Variants in ATE1 observed in about 807,000 individuals in gnomAD.
ATE1 encodes the protein arginyl-tRNA--protein transferase 1.
In ATE1, 36 loss-of-function variants were observed where a neutral mutation model predicts 70.5. The observed-to-expected ratio is 0.51, with a 90% CI of 0.39 to 0.67. The LOEUF is 0.67. ATE1 is among the 30% of genes least tolerant of loss of function. ATE1 has a pLI of 0.00. For missense variants in ATE1, 593 were observed against 629.5 expected (o/e 0.94, Z 0.62); for synonymous variants, 232 against 219.3 (o/e 1.06, Z -0.51).
chr10:121,887,822 G>C (rs1159746211), intron 7 of ATE1, among the ~76,000 whole-genome samples: 4 of 152,266 alleles, frequency 2.6e-5, no homozygotes, highest in African/African-American at 9.6e-5. Context: ...TGAGAGGTAG[G>C]GAGTTGTGAA....
intron 8 of ATE1, among the ~76,000 whole-genome samples, chr10:121,861,729 C>T (rs1949478032): frequency 7.5e-6 from 1 of 133,658 alleles, no homozygotes; most frequent in African/African-American, 2.9e-5. Context: ...TGCACATGTA[C>T]CCTAAAACTT....
chr10:121,801,946 AC>A (rs1399913132), intron 10 of ATE1, among the ~76,000 whole-genome samples: 101 of 151,734 alleles, frequency 6.7e-4, no homozygotes, highest in Middle Eastern at 3.4e-3. Context: ...AAAAAAAAAA[AC>A]ATGGGCCTTT....
At chr10:121,878,281 C>T (rs951303940) in intron 7 of ATE1, among the ~76,000 whole-genome samples, 4 of 152,086 alleles carry the variant, frequency 2.6e-5, no homozygotes, top group African/African-American at 9.7e-5. Flanking sequence ...CGAGCAGTGA[C>T]TATAAGAGCA....
At chr10:121,800,402 AC>A (rs1458678791) in intron 10 of ATE1, among the ~76,000 whole-genome samples, 4 of 152,228 alleles carry the variant, frequency 2.6e-5, no homozygotes, top group Non-Finnish European at 5.9e-5. Context: ...TTTTGATGGC[AC>A]TTTGTTTTTA....
At chr10:121,782,323 T>A (rs974565621) in intron 11 of ATE1, among the ~76,000 whole-genome samples, 1 of 152,216 alleles carries the variant, frequency 6.6e-6, no homozygotes, top group Non-Finnish European at 1.5e-5. Flanking sequence ...AAAAAATATT[T>A]ACAGATAATT....
chr10:121,841,806 G>T (rs570112847), intron 8 of ATE1, among the ~76,000 whole-genome samples: 1 of 152,206 alleles, frequency 6.6e-6, no homozygotes, highest in East Asian at 1.9e-4. Flanking sequence ...ACTACACATT[G>T]GGTACAGTGT....
At chr10:121,928,449 G>C (rs917588657), upstream of ATE1, 2 of 1,513,620 alleles carry the variant, frequency 1.3e-6, no homozygotes, top group Admixed American at 2.1e-5. Flanking sequence ...GCGAGGGTCC[G>C]CTCGGGCCGA....
At chr10:121,876,323 A>C (rs1036333879) in intron 7 of ATE1, among the ~76,000 whole-genome samples, 6 of 152,184 alleles carry the variant, frequency 3.9e-5, no homozygotes, top group African/African-American at 1.4e-4. Flanking sequence ...CACATATCCT[A>C]ATTAATGAGC....
At chr10:121,928,406 C>A (rs763677459), upstream of ATE1, 3 of 1,527,878 alleles carry the variant, frequency 2.0e-6, no homozygotes, top group Non-Finnish European at 8.8e-7. Flanking sequence ...GGCCCTGAGG[C>A]CCTTGTATTC....
At chr10:121,897,003 T>C (rs932166118) in intron 7 of ATE1, among the ~76,000 whole-genome samples, 1 of 152,134 alleles carries the variant, frequency 6.6e-6, no homozygotes, top group African/African-American at 2.4e-5. Context: ...TCTCCCTTTT[T>C]GTCCTGGCAA....
intron 11 of ATE1, among the ~76,000 whole-genome samples, chr10:121,778,564 CTTTTTTTTTT>C (rs71022864): frequency 3.5e-5 from 2 of 57,194 alleles, no homozygotes; most frequent in African/African-American, 1.4e-4. Context: ...ATGTGGCCAG[CTTTTTTTTTT>C]TTTTTTTTTT....
Position 121,918,185 on chromosome 10 carries a change from T to G in ATE1, c.233+4164A>C, listed in dbSNP as rs552215478. On this transcript the variant is annotated intron_variant, in intron 3 of 11. Coordinates refer to ENST00000224652, the MANE Select transcript of ATE1 (RefSeq NM_001001976.3). ...CCGTCTCTACTAAAAATACAAAAAT[T>G]AGCAGGGCATGGTGGCATGCGCCTG... 5.3e-5 allele frequency among the ~76,000 whole-genome samples: 8 copies of G among 152,064 alleles called. No homozygotes were observed. In the South Asian group the frequency reaches 1.7e-3, roughly 32 times the overall value.
intron 10 of ATE1, among the ~76,000 whole-genome samples, chr10:121,834,819 G>A (rs1175328998): frequency 6.6e-6 from 1 of 152,128 alleles, no homozygotes; most frequent in Non-Finnish European, 1.5e-5. Flanking sequence ...AGACTGGAAC[G>A]GCCATCACAG....
chr10:121,745,502 G>T (rs1193779420), intron 11 of ATE1, among the ~76,000 whole-genome samples: 2 of 151,958 alleles, frequency 1.3e-5, no homozygotes, highest in Non-Finnish European at 2.9e-5. Flanking sequence ...AAATCACGAG[G>T]TCAGGAGATC....
chr10:121,743,482 C>T lies in ATE1; in HGVS notation c.*198G>A. ...CAATTATGGGGGCTAGGTCATAATG[C>T]AGTTTTAAAATCTTTATATTAACTA... On this transcript the variant is annotated 3_prime_UTR_variant, in exon 12 of 12. Transcript: ENST00000224652. The T allele has an allele frequency of 9.1e-7, 1 of 1,101,040 alleles. No individual in the cohort carries two copies. Among genetic ancestry groups the T allele is most frequent in the Non-Finnish European group, 1.2e-6 (1 of 858,560 alleles). The allele number at this position is 1,101,040 out of a possible 1,614,324, so 68.2% of individuals were successfully genotyped here. A position where few individuals can be genotyped will look rare whatever the true frequency, so the allele number is the denominator to read the frequency against.
At chr10:121,796,511 A>G (rs529403371) in intron 10 of ATE1, among the ~76,000 whole-genome samples, 143 of 152,254 alleles carry the variant, frequency 9.4e-4, no homozygotes, top group African/African-American at 3.4e-3. Flanking sequence ...AAATGAAACA[A>G]ACTACCTATG....
chr10:121,918,841 A>T (rs1045738234), intron 3 of ATE1, among the ~76,000 whole-genome samples: 1 of 152,238 alleles, frequency 6.6e-6, no homozygotes, highest in Non-Finnish European at 1.5e-5. Flanking sequence ...AACTTTTCTT[A>T]CAAGAGGATT....
intron 8 of ATE1, among the ~76,000 whole-genome samples, chr10:121,851,995 A>G (rs879263525): frequency 6.6e-6 from 1 of 152,250 alleles, no homozygotes; most frequent in South Asian, 2.1e-4. Context: ...AAATGGGTGC[A>G]TATTTACTGT....
At chr10:121,845,266 A>G (rs1320059660) in intron 8 of ATE1, among the ~76,000 whole-genome samples, 1 of 152,192 alleles carries the variant, frequency 6.6e-6, no homozygotes, top group Non-Finnish European at 1.5e-5. Flanking sequence ...TTTGTGGGCT[A>G]TTAGGGGAAT....
Sources: allele counts gnomAD v4.1 joint callset (sites outside exome capture counted in the v4.1 genomes callset), GRCh38; gene constraint gnomAD v4.1.1; transcripts MANE v1.5; gene names NCBI Gene and HGNC (gene_info 2026-07-23, HGNC 2026-07-21).